MLLT10: variants seen among roughly 807,000 people sequenced by gnomAD.
The protein encoded by MLLT10 is protein AF-10.
A neutral mutation model predicts 129.1 loss-of-function variants in MLLT10; 30 were observed. That is an observed-to-expected ratio of 0.23 (90% CI 0.17 to 0.32). The LOEUF (loss-of-function observed/expected upper bound fraction) is 0.32, where lower values mean the gene tolerates loss of function less well. MLLT10 is among the 10% of genes least tolerant of loss of function. The pLI is 1.00. For missense variants in MLLT10, 1,119 were observed against 1,268.3 expected, an observed-to-expected ratio of 0.88 and a Z score of 1.79; for synonymous variants, 490 against 446.4, an observed-to-expected ratio of 1.10 and a Z score of -1.23.
chr10:21,559,792 A>G (rs1437608711), intron 3 of MLLT10, among the ~76,000 whole-genome samples: 3 of 152,212 alleles, frequency 2.0e-5, no homozygotes, highest in Non-Finnish European at 4.4e-5. Context: ...AATCTTGTTT[A>G]TAGCTGAATA....
chr10:21,565,542 C>T (rs1419425063), intron 3 of MLLT10, among the ~76,000 whole-genome samples: 1 of 150,672 alleles, frequency 6.6e-6, no homozygotes, highest in East Asian at 1.9e-4. Context: ...CTGTTGACCT[C>T]GTGATTTGCC....
At chr10:21,654,717 TG>T (rs1244792713) in intron 9 of MLLT10, among the ~76,000 whole-genome samples, 4 of 152,208 alleles carry the variant, frequency 2.6e-5, no homozygotes, top group Non-Finnish European at 5.9e-5. Context: ...GAGTAGGGTT[TG>T]GTCAGGTTGT....
At chr10:21,651,642 A>G in intron 8 of MLLT10, 31 bp from the exon 9 acceptor site, 1 of 1,515,142 alleles carries the variant, frequency 6.6e-7, no homozygotes, top group East Asian at 2.3e-5. Context: ...TAGTTAAATT[A>G]AAATTGGATT....
intron 11 of MLLT10, among the ~76,000 whole-genome samples, chr10:21,674,180 C>G (rs549743883): frequency 4.1e-4 from 62 of 151,928 alleles, no homozygotes; most frequent in Non-Finnish European, 7.8e-4. Context: ...ATCTATTGGT[C>G]ATTCATTACT....
intron 4 of MLLT10, among the ~76,000 whole-genome samples, chr10:21,587,132 C>T (rs192177856): frequency 2.6e-5 from 4 of 151,368 alleles, no homozygotes; most frequent in Admixed American, 1.3e-4. Context: ...GGGTGTGCTG[C>T]CTGACACCTG....
At chr10:21,597,802 T>C (rs776329396) in intron 5 of MLLT10, among the ~76,000 whole-genome samples, 1 of 152,270 alleles carries the variant, frequency 6.6e-6, no homozygotes, top group East Asian at 1.9e-4. Flanking sequence ...TGATGTTTCA[T>C]CATGATTAAA....
intron 13 of MLLT10, chr10:21,708,646 G>A (rs924162848): frequency 1.0e-5 from 10 of 984,984 alleles, no homozygotes; most frequent in Admixed American, 6.2e-5. Context: ...ATTTAGCTGC[G>A]TAATTTCGTA....
intron 13 of MLLT10, among the ~76,000 whole-genome samples, chr10:21,706,407 C>T (rs1339508929): frequency 6.6e-6 from 1 of 152,204 alleles, no homozygotes; most frequent in African/African-American, 2.4e-5. Flanking sequence ...ACCACCCTCA[C>T]TTTATAGATG....
At chr10:21,536,706 C>A (rs2034082645) in intron 2 of MLLT10, among the ~76,000 whole-genome samples, 1 of 152,024 alleles carries the variant, frequency 6.6e-6, no homozygotes, top group Non-Finnish European at 1.5e-5. Flanking sequence ...TAGCTGGGAC[C>A]ACAGGCCTGG....
At chr10:21,722,424 G>A (rs886697217) in intron 14 of MLLT10, among the ~76,000 whole-genome samples, 1 of 152,062 alleles carries the variant, frequency 6.6e-6, no homozygotes, top group Admixed American at 6.5e-5. Flanking sequence ...TTCAAAATCC[G>A]TTTCCAAAGT....
intron 3 of MLLT10, among the ~76,000 whole-genome samples, chr10:21,574,620 A>G (rs2040541900): frequency 1.3e-5 from 2 of 152,188 alleles, no homozygotes; most frequent in South Asian, 4.1e-4. Context: ...TATGCTAAAC[A>G]AGGGGTGGAT....
At chr10:21,571,394 C>G (rs1276513235) in intron 3 of MLLT10, among the ~76,000 whole-genome samples, 1 of 152,214 alleles carries the variant, frequency 6.6e-6, no homozygotes, top group East Asian at 1.9e-4. Flanking sequence ...CCTTGGACTT[C>G]CAGCTTCATT....
chr10:21,690,596 T>C (rs1472183841), intron 13 of MLLT10, among the ~76,000 whole-genome samples: 1 of 152,096 alleles, frequency 6.6e-6, no homozygotes, highest in Non-Finnish European at 1.5e-5. Flanking sequence ...TTATTTTAAA[T>C]TCTCAGTGTC....
intron 11 of MLLT10, among the ~76,000 whole-genome samples, chr10:21,679,773 A>C (rs1401318658): frequency 6.6e-6 from 1 of 152,194 alleles, no homozygotes; most frequent in African/African-American, 2.4e-5. Context: ...CTTGCATTAT[A>C]TATACTTACC....
intron 11 of MLLT10, among the ~76,000 whole-genome samples, chr10:21,677,109 C>T (rs2052246531): frequency 6.6e-6 from 1 of 152,158 alleles, no homozygotes; most frequent in South Asian, 2.1e-4. Context: ...TGCATTTTCC[C>T]TGGGTCCAGA....
Position 21,549,740 on chromosome 10 carries a change from C to T in MLLT10, c.240+10828C>T, listed in dbSNP as rs974227386. ...GCAGTGGCCGCGATCCTCTACTTCC[C>T]GGGTTCTCCTGCCTTAGCTTCCCGA... On this transcript the variant is annotated intron_variant, in intron 3 of 22. Coordinates refer to ENST00000307729, the MANE Select transcript of MLLT10 (RefSeq NM_001195626.3). Among the ~76,000 whole-genome samples the T allele has an allele frequency of 4.6e-5, 7 of 151,232 alleles. No homozygotes were observed. In the East Asian group the frequency reaches 5.9e-4, roughly 13 times the overall value.
At chr10:21,579,636 C>G (rs1446140697) in intron 3 of MLLT10, among the ~76,000 whole-genome samples, 2 of 150,882 alleles carry the variant, frequency 1.3e-5, no homozygotes, top group Non-Finnish European at 2.9e-5. Context: ...GATCTCGGCT[C>G]AACACAACCT....
rs776770706 is a variant in MLLT10, at chr10:21,713,899, G to A, written c.1827G>A (p.Ala609=). The change falls in exon 14 of 23, where the codon GCG becomes GCA. Residue 609 remains alanine (A), a synonymous_variant. Coordinates refer to ENST00000307729, the MANE Select transcript of MLLT10 (RefSeq NM_001195626.3). ...QSSGHLQQVG[A]LSPSAVSSAA... is the part of the protein sequence containing the mutation. Reference sequence around the variant, plus strand: ...CTGGGCATTTGCAACAAGTAGGAGCGCTCTCTCCCTCAGCTGTGTCATCTG... The same window carrying A: ...CTGGGCATTTGCAACAAGTAGGAGCACTCTCTCCCTCAGCTGTGTCATCTG... 1.5e-5 allele frequency: 24 copies of A among 1,613,792 alleles called. No homozygotes were observed. In the Middle Eastern group the frequency reaches 9.9e-4, roughly 67 times the overall value.
At chr10:21,582,265 G>A (rs1163712197) in intron 3 of MLLT10, among the ~76,000 whole-genome samples, 2 of 151,902 alleles carry the variant, frequency 1.3e-5, no homozygotes. Flanking sequence ...CTGCAGGCAC[G>A]TGCCACCACA....
Sources: gnomAD v4.1 joint callset for allele counts (sites outside exome capture counted in the v4.1 genomes callset) on GRCh38, gnomAD v4.1.1 for gene constraint, MANE v1.5 for transcripts, NCBI Gene and HGNC (gene_info 2026-07-23, HGNC 2026-07-21) for gene names.